Variants in ARSD observed in about 807,000 individuals in gnomAD.
ARSD encodes the protein testis tissue sperm-binding protein Li 39a.
In ARSD, 21 loss-of-function variants were observed where a neutral mutation model predicts 32.6. The observed-to-expected ratio is 0.64, with a 90% confidence interval of 0.46 to 0.93. The LOEUF (loss-of-function observed/expected upper bound fraction) is 0.93. Ranked by LOEUF, ARSD falls within the 40% of genes least tolerant of loss-of-function variation. ARSD has a pLI of 0.00. For missense variants in ARSD, 454 were observed against 520.9 expected (o/e 0.87, Z 1.25); for synonymous variants, 224 against 237.4 (o/e 0.94, Z 0.52).
In ARSD at chrX:2,904,342, A is replaced by G. The variant is rs933811016; in HGVS notation, c.*2929T>C. 12 of 111,627 alleles carry G rather than the reference A, an allele frequency of 1.1e-4. No individual in the cohort carries two copies. The highest frequency in any genetic ancestry group is 9.6e-5 in the Admixed American group (1 of 10,396). The allele number at this position is 111,627 out of a possible 1,213,427, so 9.2% of individuals were successfully genotyped here. A position where few individuals can be genotyped will look rare whatever the true frequency, so the allele number is the denominator to read the frequency against. On this transcript the variant is annotated 3_prime_UTR_variant, in exon 10 of 10. Transcript: ENST00000381154. Reference sequence around the variant, plus strand: ...GTTGGTCAACGCAAGTCAGAGGCTCAGCCCAGATCCAAGGGCAGGGAAGAG... The same window carrying G: ...GTTGGTCAACGCAAGTCAGAGGCTCGGCCCAGATCCAAGGGCAGGGAAGAG...
In ARSD at chrX:2,910,919, C is replaced by T. The variant is rs1175844941; in HGVS notation, c.1001-126G>A. The T allele has an allele frequency of 9.3e-5, 74 of 791,622 alleles. 1 individual carries two copies. Among genetic ancestry groups the T allele is most frequent in the Non-Finnish European group, 8.1e-5 (45 of 554,285 alleles). The allele number at this position is 791,622 out of a possible 1,213,427, so 65.2% of individuals were successfully genotyped here. On this transcript the variant is annotated intron_variant, in intron 6 of 9. Transcript: ENST00000381154. ...GTCATAAGAAGAGACCACACTTACTCGGAGGCCGTGGTTACAATGTGATCC... is the reference window on the plus strand; with the variant it reads ...GTCATAAGAAGAGACCACACTTACTTGGAGGCCGTGGTTACAATGTGATCC...
Position 2,907,288 on chromosome X carries a change from C to G in ARSD, c.1765G>C (p.Gly589Arg). 1 of 1,208,620 alleles carries G rather than the reference C, an allele frequency of 8.3e-7. No individual in the cohort carries two copies. The highest frequency in any genetic ancestry group is 1.8e-5 in the South Asian group (1 of 56,344). ...CCTGGCATTCAGGGGGTGCCATCCCCATCCTCGTGGCATGAACAGAACGGG... is the reference window on the plus strand; with the variant it reads ...CCTGGCATTCAGGGGGTGCCATCCCGATCCTCGTGGCATGAACAGAACGGG... ...HFPFCSCHED[G>R]DGTP Residue 589 changes from glycine to arginine, a missense_variant, in exon 10 of 10, where the codon GGG becomes CGG. Transcript: ENST00000381154.
rs2089021537 is a variant in ARSD at position 2,920,781 on chromosome X, C to A, written c.317-58G>T. On this transcript the variant is annotated intron_variant, in intron 3 of 9. Transcript: ENST00000381154. ...TTCCTTTCTCTAGAGGAGCACTTCT[C>A]AACCAGAGGGATTTGGTGTCTGAGA... is the stretch of plus-strand genomic sequence containing the variant. 4.3e-6 allele frequency: 5 copies of A among 1,174,142 alleles called. No individual in the cohort carries two copies. In the Admixed American group the frequency reaches 9.4e-5, roughly 22 times the overall value.
intron 3 of ARSD, among the ~76,000 whole-genome samples, 162 bp from the exon 4 acceptor site, chrX:2,920,885 A>G (rs2089022372): frequency 8.9e-6 from 1 of 111,739 alleles, no homozygotes; most frequent in Admixed American, 9.5e-5. Context: ...TTATCTACCC[A>G]TCTATCGTCT....
rs1345558858 is a variant in ARSD, at chrX:2,907,373, C to A, written c.1680G>T (p.Gln560His). 2 of 1,210,684 alleles carry A rather than the reference C, an allele frequency of 1.7e-6. No homozygotes were observed. Among genetic ancestry groups the A allele is most frequent in the African/African-American group, 3.5e-5 (2 of 57,394 alleles). The change falls in exon 10 of 10, where the codon CAG becomes CAT. Residue 560 changes from glutamine (Q) to histidine (H), a missense_variant. Gln to His is a conservative substitution (Grantham distance 24, BLOSUM62 0). Transcript: ENST00000381154. Reference protein sequence around the residue: ...EHRQTLSPVPQQFSMSNILWK... With the variant: ...EHRQTLSPVPHQFSMSNILWK... ...ACAGGATGTTGCTCATGGAAAACTG[C>A]TGGGGCACAGGACTCAGGGTCTGCC... is the stretch of plus-strand genomic sequence containing the variant.
intron 6 of ARSD, chrX:2,913,357 T>TGGG (rs1363301336): frequency 1.3e-4 from 21 of 166,711 alleles, no homozygotes; most frequent in African/African-American, 6.7e-4. Context: ...ATGTTCATGC[T>TGGG]GCGGGGGGTA....
At chrX:2,908,609 CCCATCCAT>C (rs996333658) in intron 9 of ARSD, 104 bp downstream of exon 9, 1 of 787,761 alleles carries the variant, frequency 1.3e-6, no homozygotes, top group Non-Finnish European at 1.7e-6. Context: ...TGTCCATCCA[CCCATCCAT>C]CCATCCATCC....
chrX:2,918,474 G>A (rs1444207083), intron 4 of ARSD, among the ~76,000 whole-genome samples: 11 of 112,504 alleles, frequency 9.8e-5, no homozygotes, highest in Non-Finnish European at 1.9e-4. Context: ...CTTTCGGCCG[G>A]GCGCGGTGGC....
At chrX:2,921,257 ATATC>A (rs1435970880) in intron 3 of ARSD, among the ~76,000 whole-genome samples, 2 of 111,731 alleles carry the variant, frequency 1.8e-5, no homozygotes, top group Non-Finnish European at 3.8e-5. Context: ...TCTATCATCT[ATATC>A]TATCCATCTA....
intron 9 of ARSD, 180 bp from the exon 10 acceptor site, chrX:2,907,812 G>A: frequency 1.0e-6 from 1 of 998,167 alleles, no homozygotes; most frequent in Non-Finnish European, 1.3e-6. Context: ...ATGTGTGTGT[G>A]CGCGCGTGCG....
At chrX:2,914,203 A>G in intron 6 of ARSD, 1 of 756,590 alleles carries the variant, frequency 1.3e-6, no homozygotes, top group Non-Finnish European at 1.6e-6. Flanking sequence ...GATATGAGAG[A>G]AGTTTTTCTC....
Position 2,910,653 on chromosome X carries a change from A to G in ARSD, c.1135+6T>C, listed in dbSNP as rs1184409676. The G allele has an allele frequency of 1.7e-6, 2 of 1,211,087 alleles. No homozygotes were observed. The highest frequency in any genetic ancestry group is 2.2e-5 in the Admixed American group (1 of 45,937). On this transcript the variant is annotated splice_donor_region_variant and intron_variant, in intron 7 of 9. Transcript: ENST00000381154. ...TGCATATGTGTCCCCGATGTCCACA[A>G]CTCACCTTTGTAAATTCCGTTCCAT...
At position 2,904,087 on chromosome X, in the gene ARSD, C is replaced by G. The variant is rs1374527299; in HGVS notation, c.*3184G>C. On this transcript the variant is annotated 3_prime_UTR_variant, in exon 10 of 10. Transcript: ENST00000381154. ...CGCAGAGCCGTCCACAGGTACCTAC[C>G]CCCTGGACTGCAGCAACTTTATTAC... The G allele has an allele frequency of 9.0e-6, 1 of 111,388 alleles. No homozygotes were observed. Among genetic ancestry groups the G allele is most frequent in the East Asian group, 2.8e-4 (1 of 3,546 alleles). The allele number at this position is 111,388 out of a possible 1,213,427, so 9.2% of individuals were successfully genotyped here. A position where few individuals can be genotyped will look rare whatever the true frequency, so the allele number is the denominator to read the frequency against.
intron 5 of ARSD, 81 bp downstream of exon 5, chrX:2,917,723 G>A (rs2088977054): frequency 9.9e-7 from 1 of 1,009,008 alleles, no homozygotes; most frequent in Non-Finnish European, 1.3e-6. Flanking sequence ...CTCCCATCTT[G>A]GCCTCCCGAA....
intron 2 of ARSD, among the ~76,000 whole-genome samples, chrX:2,922,842 C>CAAAAAAAAAAAAAAAAAAAAAAAAAAAA (rs60380048): frequency 4.6e-5 from 2 of 43,723 alleles, no homozygotes; most frequent in African/African-American, 1.1e-4. Context: ...GACCGTGTCT[C>CAAAAAAAAAAAAAAAAAAAAAAAAAAAA]AAAAAAAAAA....
At position 2,906,955 on chromosome X, in the gene ARSD, CAAAAATT is replaced by C. The variant is rs1021570481; in HGVS notation, c.*309_*315del. The C allele has an allele frequency of 5.4e-6, 1 of 183,588 alleles. No homozygotes were observed. The highest frequency in any genetic ancestry group is 3.0e-5 in the African/African-American group (1 of 33,054). 15.1% of individuals were successfully genotyped at this position (183,588 alleles called of 1,213,427 possible). ...TGAAACCCTGTCTCTACTAAAACTACAAAAATTAGCTAGGCATGGTGGCAGGTGCCTG... is the reference window on the plus strand; with the variant it reads ...TGAAACCCTGTCTCTACTAAAACTACAGCTAGGCATGGTGGCAGGTGCCTG... On this transcript the variant is annotated 3_prime_UTR_variant, in exon 10 of 10. Transcript: ENST00000381154.
chrX:2,915,739 C>T (rs115636789), intron 5 of ARSD, 47 bp from the exon 6 acceptor site: 261 of 1,145,661 alleles, frequency 2.3e-4, no homozygotes, highest in Admixed American at 8.5e-4. Context: ...ATACAGTACA[C>T]CAAAGGGACC....
chrX:2,917,465 A>T (rs111830444), intron 5 of ARSD, among the ~76,000 whole-genome samples: 1 of 110,055 alleles, frequency 9.1e-6, no homozygotes, highest in African/African-American at 3.3e-5. Context: ...TCTTTTTTTT[A>T]AATTAAACTT....
chrX:2,910,163 G>A (rs2088890536), intron 7 of ARSD, among the ~76,000 whole-genome samples, 184 bp from the exon 8 acceptor site: 1 of 110,870 alleles, frequency 9.0e-6, no homozygotes, highest in African/African-American at 3.3e-5. Flanking sequence ...CTACTCCCTG[G>A]CCTCTTGAAT....
Sources: gnomAD v4.1 joint callset for allele counts (sites outside exome capture counted in the v4.1 genomes callset) on GRCh38, gnomAD v4.1.1 for gene constraint, MANE v1.5 for transcripts, NCBI Gene and HGNC (gene_info 2026-07-23, HGNC 2026-07-21) for gene names.